The following NALF1 variants were observed in gnomAD, a reference collection of about 807,000 sequenced individuals.
The protein encoded by NALF1 is family with sequence similarity 155 member A.
NALF1 carries 3 observed loss-of-function variants against 48.4 expected under a neutral mutation model. The observed-to-expected ratio is 0.06, with a 90% confidence interval of 0.03 to 0.16. The LOEUF is 0.16. Ranked by LOEUF, NALF1 falls within the 10% of genes least tolerant of loss-of-function variation. The pLI is 1.00. For missense variants in NALF1, 526 were observed against 571.5 expected, an observed-to-expected ratio of 0.92 and a Z score of 0.81; for synonymous variants, 262 against 245.7, an observed-to-expected ratio of 1.07 and a Z score of -0.62.
rs529988603 is a variant in NALF1, at chr13:107,309,525, C to T, written c.916-98770G>A. Among the ~76,000 whole-genome samples, 11 of 152,282 alleles carry T rather than the reference C, an allele frequency of 7.2e-5. No individual in the cohort carries two copies. In the South Asian group the frequency reaches 2.3e-3, roughly 32 times the overall value. On this transcript the variant is annotated intron_variant, in intron 1 of 2. Transcript: ENST00000375915. ...TTTGATTCGGGAAAGTGTAAGCTGA[C>T]ATTTAATCAACTAGCATTATCCATA...
chr13:107,804,605 A>G (rs985384611), intron 1 of NALF1, among the ~76,000 whole-genome samples: 1 of 152,136 alleles, frequency 6.6e-6, no homozygotes, highest in African/African-American at 2.4e-5. Flanking sequence ...GGTGGCGCTC[A>G]GCAGGTACTT....
At chr13:107,849,117 A>T (rs1235839691) in intron 1 of NALF1, among the ~76,000 whole-genome samples, 1 of 152,206 alleles carries the variant, frequency 6.6e-6, no homozygotes, top group African/African-American at 2.4e-5. Flanking sequence ...GAGCATAATG[A>T]TGACCATTAG....
At chr13:107,465,576 T>C (rs116615544) in intron 1 of NALF1, among the ~76,000 whole-genome samples, 2,891 of 152,266 alleles carry the variant, frequency 0.019, 106 homozygotes, top group African/African-American at 0.066. Flanking sequence ...GCATTCCTTA[T>C]GTAATGAGCT....
chr13:107,783,001 G>A (rs866263128), intron 1 of NALF1, among the ~76,000 whole-genome samples: 4 of 143,786 alleles, frequency 2.8e-5, no homozygotes, highest in East Asian at 2.2e-4. Flanking sequence ...CAGCCGCCCC[G>A]TCCGGGAGGG....
intron 2 of NALF1, among the ~76,000 whole-genome samples, chr13:107,194,052 CTATCTAT>C (rs1879341915): frequency 1.2e-5 from 1 of 80,484 alleles, no homozygotes; most frequent in Non-Finnish European, 2.8e-5. Flanking sequence ...ATCTATCTAT[CTATCTAT>C]ATATCAATCT....
chr13:107,791,080 A>G (rs2138587102), intron 1 of NALF1, among the ~76,000 whole-genome samples: 1 of 152,288 alleles, frequency 6.6e-6, no homozygotes, highest in East Asian at 1.9e-4. Flanking sequence ...GAAAAATAAA[A>G]TCCACCTTTT....
intron 1 of NALF1, among the ~76,000 whole-genome samples, chr13:107,500,481 T>C (rs1014631729): frequency 6.6e-6 from 1 of 151,072 alleles, no homozygotes. Flanking sequence ...TGTGGAGAAA[T>C]AGGAACACTT....
At chr13:107,507,249 G>C (rs1875725898) in intron 1 of NALF1, among the ~76,000 whole-genome samples, 1 of 151,980 alleles carries the variant, frequency 6.6e-6, no homozygotes, top group Admixed American at 6.6e-5. Context: ...GCAGGTTGTA[G>C]GTAACTACAG....
intron 1 of NALF1, among the ~76,000 whole-genome samples, chr13:107,361,374 G>GC (rs1883057811): frequency 6.6e-6 from 1 of 152,140 alleles, no homozygotes; most frequent in Non-Finnish European, 1.5e-5. Flanking sequence ...TGGAAATTTG[G>GC]CTCTGTTGCT....
intron 1 of NALF1, among the ~76,000 whole-genome samples, chr13:107,325,017 T>G (rs1882325084): frequency 6.6e-6 from 1 of 152,236 alleles, no homozygotes; most frequent in Non-Finnish European, 1.5e-5. Context: ...TAAAGATGAC[T>G]ATTGCAATCC....
At chr13:107,812,050 T>C (rs1292154348) in intron 1 of NALF1, among the ~76,000 whole-genome samples, 1 of 152,224 alleles carries the variant, frequency 6.6e-6, no homozygotes, top group Non-Finnish European at 1.5e-5. Context: ...GAAAATATTT[T>C]AATGGTGGTT....
chr13:107,244,191 G>A (rs939399848), intron 1 of NALF1, among the ~76,000 whole-genome samples: 9 of 152,254 alleles, frequency 5.9e-5, no homozygotes, highest in Admixed American at 2.6e-4. Flanking sequence ...TGCAAAACAC[G>A]GGGAGAGAGC....
At chr13:107,514,926 A>C (rs1876011496) in intron 1 of NALF1, among the ~76,000 whole-genome samples, 1 of 152,194 alleles carries the variant, frequency 6.6e-6, no homozygotes, top group Non-Finnish European at 1.5e-5. Flanking sequence ...ACCTTTGTTT[A>C]TTTAACAAGT....
At chr13:107,218,167 C>T (rs1306756867) in intron 1 of NALF1, among the ~76,000 whole-genome samples, 1 of 152,172 alleles carries the variant, frequency 6.6e-6, no homozygotes, top group Non-Finnish European at 1.5e-5. Flanking sequence ...CCACCTCCCT[C>T]ACGAATCCCT....
At chr13:107,416,772 G>A (rs1232568229) in intron 1 of NALF1, among the ~76,000 whole-genome samples, 2 of 152,246 alleles carry the variant, frequency 1.3e-5, no homozygotes, top group Non-Finnish European at 2.9e-5. Context: ...TTGAATTATT[G>A]TATCCTCCTC....
intron 1 of NALF1, among the ~76,000 whole-genome samples, chr13:107,712,379 A>G (rs1388866564): frequency 6.6e-6 from 1 of 152,238 alleles, no homozygotes; most frequent in East Asian, 1.9e-4. Context: ...AATCACCGCA[A>G]TAAAACAGAG....
chr13:107,355,931 T>C (rs868350716), intron 1 of NALF1, among the ~76,000 whole-genome samples: 3 of 152,302 alleles, frequency 2.0e-5, no homozygotes, highest in Non-Finnish European at 2.9e-5. Context: ...GGTATGTTAG[T>C]GCATTTAATC....
chr13:107,397,074 A>G (rs1285822590), intron 1 of NALF1, among the ~76,000 whole-genome samples: 1 of 152,172 alleles, frequency 6.6e-6, no homozygotes, highest in East Asian at 1.9e-4. Context: ...CTAGGGATCC[A>G]AGGTCTGGTT....
chr13:107,347,347 G>A (rs960456487), intron 1 of NALF1, among the ~76,000 whole-genome samples: 13 of 152,142 alleles, frequency 8.5e-5, no homozygotes, highest in Non-Finnish European at 1.9e-4. Flanking sequence ...TTCCTCCTCA[G>A]CCCTGCTGAA....
Sources: allele counts gnomAD v4.1 joint callset (sites outside exome capture counted in the v4.1 genomes callset), GRCh38; gene constraint gnomAD v4.1.1; transcripts MANE v1.5; gene names NCBI Gene and HGNC (gene_info 2026-07-23, HGNC 2026-07-21).